EEA1: variants seen among roughly 807,000 people sequenced by gnomAD.
EEA1 encodes the protein early endosome antigen 1.
A neutral mutation model predicts 209.2 loss-of-function variants in EEA1; 111 were observed. The observed-to-expected ratio is 0.53, with a 90% CI of 0.45 to 0.62. The LOEUF (loss-of-function observed/expected upper bound fraction) is 0.62. Ranked by LOEUF, EEA1 falls within the 20% of genes least tolerant of loss-of-function variation. The probability of loss-of-function intolerance (pLI) is 0.00; values close to 1 mark genes in which losing one functional copy is unlikely to be tolerated. For missense variants in EEA1, 1,343 were observed against 1,530.8 expected (o/e 0.88, Z 2.05); for synonymous variants, 536 against 540.6 (o/e 0.99, Z 0.12).
chr12:92,787,703 A>C (rs1874193093), intron 22 of EEA1, among the ~76,000 whole-genome samples, 164 bp downstream of exon 22: 1 of 152,182 alleles, frequency 6.6e-6, no homozygotes, highest in South Asian at 2.1e-4. Context: ...CCACATTTTA[A>C]ACAATTTTTT....
intron 22 of EEA1, among the ~76,000 whole-genome samples, chr12:92,783,542 C>T (rs1873998581): frequency 6.6e-6 from 1 of 152,194 alleles, no homozygotes; most frequent in African/African-American, 2.4e-5. Flanking sequence ...CCTGAGAAAG[C>T]ACACTGTCCT....
At chr12:92,904,316 T>C (rs1880279325) in intron 1 of EEA1, among the ~76,000 whole-genome samples, 1 of 152,170 alleles carries the variant, frequency 6.6e-6, no homozygotes, top group African/African-American at 2.4e-5. Context: ...ATCCAGAGAA[T>C]TCTAATTATC....
At chr12:92,795,558 C>T (rs1483969752) in intron 21 of EEA1, among the ~76,000 whole-genome samples, 2 of 152,060 alleles carry the variant, frequency 1.3e-5, no homozygotes, top group African/African-American at 2.4e-5. Context: ...TATTAACAGC[C>T]TAGATAAGAG....
chr12:92,859,761 T>C (rs1364521224), intron 3 of EEA1, among the ~76,000 whole-genome samples: 1 of 152,208 alleles, frequency 6.6e-6, no homozygotes, highest in Non-Finnish European at 1.5e-5. Context: ...ATAAAGTACT[T>C]GTAGTTCCGC....
At chr12:92,777,423 A>G in intron 27 of EEA1, 120 bp downstream of exon 27, 1 of 1,112,022 alleles carries the variant, frequency 9.0e-7, no homozygotes, top group East Asian at 2.5e-5. Flanking sequence ...ACTGCTAAAC[A>G]GAGAGTAGCT....
intron 1 of EEA1, among the ~76,000 whole-genome samples, chr12:92,901,264 C>T (rs1880130028): frequency 6.6e-6 from 1 of 151,960 alleles, no homozygotes. Context: ...GTTGCCTAGG[C>T]TCATCTCAAA....
chr12:92,852,109 G>T, intron 8 of EEA1, 66 bp downstream of exon 8: 7 of 1,258,958 alleles, frequency 5.6e-6, no homozygotes, highest in South Asian at 3.9e-5. Flanking sequence ...TTCCTTCAGG[G>T]TATGTATTTT....
intron 23 of EEA1, 151 bp downstream of exon 23, chr12:92,781,799 C>T: frequency 1.8e-6 from 1 of 560,300 alleles, no homozygotes; most frequent in Admixed American, 3.7e-5. Flanking sequence ...ATTAAAATCC[C>T]AATGATCAAA....
chr12:92,797,019 C>A (rs1263147985), intron 21 of EEA1, among the ~76,000 whole-genome samples: 1 of 152,148 alleles, frequency 6.6e-6, no homozygotes, highest in Non-Finnish European at 1.5e-5. Context: ...ACTTACAATA[C>A]CTAATACAAT....
chr12:92,781,323 C>A (rs1292586958), intron 23 of EEA1, among the ~76,000 whole-genome samples: 2 of 152,178 alleles, frequency 1.3e-5, no homozygotes, highest in Admixed American at 1.3e-4. Flanking sequence ...ATTTCAGGAA[C>A]TGAACCATTT....
At chr12:92,858,406 C>A in intron 3 of EEA1, 1 of 1,196,746 alleles carries the variant, frequency 8.4e-7, no homozygotes, top group Non-Finnish European at 1.2e-6. Context: ...GTGCTGGTAG[C>A]CTTGGAGCAA....
chr12:92,858,417 C>A, intron 3 of EEA1: 1 of 1,214,330 alleles, frequency 8.2e-7, no homozygotes, highest in Non-Finnish European at 1.2e-6. Context: ...CTTGGAGCAA[C>A]AGTCACCAGA....
chr12:92,874,675 T>C (rs977227978), intron 2 of EEA1, among the ~76,000 whole-genome samples: 4 of 152,250 alleles, frequency 2.6e-5, no homozygotes, highest in East Asian at 3.8e-4. Context: ...TGTTTTGTTA[T>C]TGCCACCATA....
chr12:92,887,416 A>G (rs1036071123), intron 2 of EEA1, among the ~76,000 whole-genome samples: 4 of 152,174 alleles, frequency 2.6e-5, no homozygotes, highest in African/African-American at 9.7e-5. Context: ...AAGCTGAGGC[A>G]GGAAGACTGT....
Position 92,891,665 on chromosome 12 carries a change from T to C in EEA1, c.81A>G (p.Ile27Met). The change falls in exon 2 of 29, where the codon ATA (isoleucine) becomes ATG (methionine). Residue 27 changes from isoleucine to methionine, a missense_variant. Physicochemically the swap from Ile to Met is conservative, Grantham distance 10. Coordinates refer to ENST00000322349, the MANE Select transcript of EEA1 (RefSeq NM_003566.4). ...TTTCATTATTGACGTCCACTGTGTT[T>C]ATAGGAGTTGCTGATGAATCTAAAT... is the stretch of plus-strand genomic sequence containing the variant. ...GSDLDSSATP[I>M]NTVDVNNESS... is the part of the protein sequence containing the mutation. 1 of 1,611,736 alleles carries C rather than the reference T, an allele frequency of 6.2e-7. No homozygotes were observed. The highest frequency in any genetic ancestry group is 8.5e-7 in the Non-Finnish European group (1 of 1,179,376).
At chr12:92,843,512 T>G (rs1410363247) in intron 9 of EEA1, among the ~76,000 whole-genome samples, 1 of 152,284 alleles carries the variant, frequency 6.6e-6, no homozygotes, top group East Asian at 1.9e-4. Flanking sequence ...AGTTTGATCA[T>G]TTAAAAATAA....
At chr12:92,846,636 C>A (rs950784024) in intron 9 of EEA1, among the ~76,000 whole-genome samples, 1 of 152,092 alleles carries the variant, frequency 6.6e-6, no homozygotes, top group South Asian at 2.1e-4. Flanking sequence ...ACTTTTTAAC[C>A]TTTAAATCCT....
rs1881334621 is a variant in EEA1, at chr12:92,929,201, A to C, written c.-135T>G. On this transcript the variant is annotated 5_prime_UTR_variant, in exon 1 of 29. Coordinates refer to ENST00000322349, the MANE Select transcript of EEA1 (RefSeq NM_003566.4). ...AGGAGGTCGGGGCGAGGCGGTGGCG[A>C]CGGCCGCTCGGGCGGCCCCGACTTC... The C allele has an allele frequency of 2.4e-6, 2 of 823,612 alleles. No homozygotes were observed. Among genetic ancestry groups the C allele is most frequent in the African/African-American group, 1.9e-5 (1 of 53,828 alleles). The allele number at this position is 823,612 out of a possible 1,614,324, so 51.0% of individuals were successfully genotyped here.
intron 1 of EEA1, chr12:92,895,523 AT>A (rs1236437230): frequency 7.0e-6 from 1 of 143,742 alleles, no homozygotes; most frequent in African/African-American, 2.6e-5. Context: ...AAAAAAAAAA[AT>A]CCTTTCAAAA....
Sources: gnomAD v4.1 joint callset for allele counts (sites outside exome capture counted in the v4.1 genomes callset) on GRCh38, gnomAD v4.1.1 for gene constraint, MANE v1.5 for transcripts, NCBI Gene and HGNC (gene_info 2026-07-23, HGNC 2026-07-21) for gene names.